Variants in RBFOX3 observed in about 807,000 individuals in gnomAD.
RBFOX3 encodes the protein RNA binding protein fox-1 homolog 3.
Under a neutral mutation model 48.7 loss-of-function variants are expected in RBFOX3, and 17 were observed. The observed-to-expected ratio is 0.35, with a 90% CI of 0.24 to 0.52. The LOEUF (loss-of-function observed/expected upper bound fraction) is 0.52, where lower values mean the gene tolerates loss of function less well. RBFOX3 is among the 20% of genes least tolerant of loss of function. The pLI is 0.94. For synonymous variants in RBFOX3, 212 were observed against 209.5 expected (o/e 1.01, Z -0.10); for missense variants, 382 against 497.5 (o/e 0.77, Z 2.21).
intron 2 of RBFOX3, among the ~76,000 whole-genome samples, chr17:79,398,161 C>T (rs774266080): frequency 1.3e-5 from 2 of 152,068 alleles, no homozygotes; most frequent in Non-Finnish European, 2.9e-5. Context: ...AGAGAAAATA[C>T]AAGCAGTGCT....
At chr17:79,321,901 T>C (rs1568038431) in intron 2 of RBFOX3, among the ~76,000 whole-genome samples, 1 of 152,122 alleles carries the variant, frequency 6.6e-6, no homozygotes, top group African/African-American at 2.4e-5. Flanking sequence ...AGATGGGGTT[T>C]CACCATGTTG....
chr17:79,380,623 C>A (rs1460816422), intron 2 of RBFOX3, among the ~76,000 whole-genome samples: 1 of 152,156 alleles, frequency 6.6e-6, no homozygotes, highest in South Asian at 2.1e-4. Context: ...GGGTGAGGGG[C>A]AGGCACTCAG....
intron 2 of RBFOX3, among the ~76,000 whole-genome samples, chr17:79,366,925 C>T (rs550214219): frequency 5.3e-4 from 80 of 152,308 alleles, no homozygotes; most frequent in African/African-American, 1.9e-3. Context: ...AGAGCCACCT[C>T]GCCCAAGGGC....
At position 79,243,911 on chromosome 17, in the gene RBFOX3, T is replaced by C. The variant is rs1215207584; in HGVS notation, c.-73-8106A>G. On this transcript the variant is annotated intron_variant, in intron 3 of 14. Coordinates refer to ENST00000693108, the MANE Select transcript of RBFOX3 (RefSeq NM_001350451.2). The surrounding 1 kb of genome is among the most constrained non-coding windows in gnomAD (Gnocchi z 7.9). ...CAGAAATGGCCTGCGGTCCCAGAGG[T>C]AGGGGGCAGGTGGGAGGCCCAGTGT... Among the ~76,000 whole-genome samples, 1 of 151,410 alleles carries C rather than the reference T, an allele frequency of 6.6e-6. No homozygotes were observed. Among genetic ancestry groups the C allele is most frequent in the Admixed American group, 6.6e-5 (1 of 15,212 alleles).
At chr17:79,150,997 C>T (rs1045250939) in intron 4 of RBFOX3, among the ~76,000 whole-genome samples, 1 of 152,192 alleles carries the variant, frequency 6.6e-6, no homozygotes, top group African/African-American at 2.4e-5. Flanking sequence ...CGCTGCTGTG[C>T]GGCTCTCACC....
chr17:79,515,048 T>G (rs2085046262), intron 1 of RBFOX3, among the ~76,000 whole-genome samples: 1 of 152,190 alleles, frequency 6.6e-6, no homozygotes, highest in South Asian at 2.1e-4. Context: ...TCGGGTGTCC[T>G]GAGGCAGAAG....
At chr17:79,152,325 C>T (rs1247483508) in intron 4 of RBFOX3, among the ~76,000 whole-genome samples, 3 of 152,174 alleles carry the variant, frequency 2.0e-5, no homozygotes, top group Admixed American at 1.3e-4. Context: ...GAGGCGGCTG[C>T]TTCGGGTCAG....
At chr17:79,144,649 TG>T (rs35315781) in intron 4 of RBFOX3, among the ~76,000 whole-genome samples, 1 of 152,190 alleles carries the variant, frequency 6.6e-6, no homozygotes, top group African/African-American at 2.4e-5. Context: ...CTCCCGGCCC[TG>T]GGACCACGGT....
intron 4 of RBFOX3, among the ~76,000 whole-genome samples, chr17:79,181,906 G>T (rs1468389563): frequency 6.6e-6 from 1 of 151,946 alleles, no homozygotes; most frequent in Non-Finnish European, 1.5e-5. Context: ...GCACAAACGG[G>T]TAAGAACCCA....
chr17:79,170,910 C>G (rs533347723), intron 4 of RBFOX3, among the ~76,000 whole-genome samples: 61 of 152,344 alleles, frequency 4.0e-4, no homozygotes, highest in African/African-American at 1.4e-3. Flanking sequence ...CCCTGTCTTT[C>G]CACGTAAACT....
chr17:79,305,555 C>T (rs1372469430), intron 3 of RBFOX3, among the ~76,000 whole-genome samples: 5 of 152,146 alleles, frequency 3.3e-5, no homozygotes, highest in South Asian at 4.1e-4. Context: ...TGGGCTCGGC[C>T]GCCCCCTCCA....
chr17:79,222,284 C>T (rs2059833504), intron 4 of RBFOX3, among the ~76,000 whole-genome samples: 1 of 151,736 alleles, frequency 6.6e-6, no homozygotes, highest in South Asian at 2.1e-4. Flanking sequence ...GCCAAGGAAC[C>T]AGCCCTGGCC....
intron 5 of RBFOX3, among the ~76,000 whole-genome samples, chr17:79,115,181 C>T (rs2033524928): frequency 6.6e-6 from 1 of 152,230 alleles, no homozygotes; most frequent in Non-Finnish European, 1.5e-5. Context: ...TTGCTCGAAG[C>T]AGGGAAGCCA....
chr17:79,153,533 C>T (rs1473417735), intron 4 of RBFOX3, among the ~76,000 whole-genome samples: 1 of 152,172 alleles, frequency 6.6e-6, no homozygotes, highest in African/African-American at 2.4e-5. Context: ...CAGGGTGGGC[C>T]AGGCTTCCCG....
intron 4 of RBFOX3, among the ~76,000 whole-genome samples, chr17:79,130,029 G>A (rs552976363): frequency 9.2e-5 from 14 of 152,310 alleles, no homozygotes; most frequent in South Asian, 8.3e-4. Context: ...GCTGGGCAGC[G>A]CTGCTTGCTG....
intron 14 of RBFOX3, chr17:79,092,196 G>A: frequency 1.0e-6 from 1 of 985,522 alleles, no homozygotes. Context: ...GTGCAGCCTG[G>A]GAGGCCAGGA....
At chr17:79,157,366 C>T (rs2046043835) in intron 4 of RBFOX3, among the ~76,000 whole-genome samples, 1 of 152,184 alleles carries the variant, frequency 6.6e-6, no homozygotes, top group Non-Finnish European at 1.5e-5. Context: ...CGTCCATGCA[C>T]CCCTTCCACA....
At chr17:79,356,373 T>TTTTTGTTTTTGTTTTTG (rs1555684872) in intron 2 of RBFOX3, among the ~76,000 whole-genome samples, 1 of 88,992 alleles carries the variant, frequency 1.1e-5, no homozygotes, top group Non-Finnish European at 2.2e-5. Context: ...TTTTTTTTTT[T>TTTTTGTTTTTGTTTTTG]TTTTTTTTTT....
Position 79,463,960 on chromosome 17 carries a change from C to T in RBFOX3, c.-175+18494G>A, listed in dbSNP as rs535078428. On this transcript the variant is annotated intron_variant, in intron 2 of 14. Transcript: ENST00000693108. ...CCCACCATCGCCACTGCCACCTCCA[C>T]CACCATCGCCACTGCCACTGCCACC... Among the ~76,000 whole-genome samples, 733 of 151,616 alleles carry T rather than the reference C, an allele frequency of 4.8e-3. 8 individuals are homozygous for T. Among genetic ancestry groups the T allele is most frequent in the African/African-American group, 0.017 (699 of 41,386 alleles).
Sources: gnomAD v4.1 joint callset for allele counts (sites outside exome capture counted in the v4.1 genomes callset) on GRCh38, gnomAD v4.1.1 for gene constraint, Gnocchi (gnomAD v3.1) non-coding constraint, MANE v1.5 for transcripts, NCBI Gene and HGNC (gene_info 2026-07-23, HGNC 2026-07-21) for gene names.